ACER3: variants seen among roughly 807,000 people sequenced by gnomAD.
ACER3 encodes alkCDase 3.
ACER3 carries 16 observed loss-of-function variants against 48.9 expected under a neutral mutation model. The observed-to-expected ratio is 0.33, with a 90% CI of 0.22 to 0.50. ACER3 has a LOEUF of 0.50. Ranked by LOEUF, ACER3 falls within the 20% of genes least tolerant of loss-of-function variation. The probability of loss-of-function intolerance (pLI) is 0.98; values close to 1 mark genes in which losing one functional copy is unlikely to be tolerated. For missense variants in ACER3, 227 were observed against 326.0 expected, an observed-to-expected ratio of 0.70 and a Z score of 2.34; for synonymous variants, 109 against 107.8, an observed-to-expected ratio of 1.01 and a Z score of -0.07.
chr11:76,860,947 G>A lies in ACER3; in HGVS notation c.-30G>A. 4 of 1,495,784 alleles carry A rather than the reference G, an allele frequency of 2.7e-6. No homozygotes were observed. Among genetic ancestry groups the A allele is most frequent in the Non-Finnish European group, 3.6e-6 (4 of 1,113,720 alleles). 92.7% of individuals were successfully genotyped at this position (1,495,784 alleles called of 1,614,324 possible). On this transcript the variant is annotated 5_prime_UTR_variant, in exon 1 of 11. Coordinates refer to ENST00000532485, the MANE Select transcript of ACER3 (RefSeq NM_018367.7). ...CCAGCCTAACCCGGCACAGTGAGCG[G>A]AGCGCCTGGGCGGCGGCGGCGGCGG...
chr11:77,014,922 C>A, intron 7 of ACER3, 94 bp from the exon 8 acceptor site: 2 of 753,026 alleles, frequency 2.7e-6, no homozygotes, highest in Non-Finnish European at 4.7e-6. Flanking sequence ...AGATCCCAGC[C>A]CTTATAAAAA....
At chr11:76,913,049 C>A (rs1371805262) in intron 1 of ACER3, among the ~76,000 whole-genome samples, 1 of 152,166 alleles carries the variant, frequency 6.6e-6, no homozygotes, top group East Asian at 1.9e-4. Flanking sequence ...AGCAAAAAAA[C>A]AATGGTTTGT....
chr11:76,939,887 G>A (rs2134917151), intron 2 of ACER3, among the ~76,000 whole-genome samples: 1 of 152,226 alleles, frequency 6.6e-6, no homozygotes, highest in East Asian at 1.9e-4. Flanking sequence ...TCTGGGTTGG[G>A]GCATGAGGGG....
intron 2 of ACER3, among the ~76,000 whole-genome samples, chr11:76,957,084 T>A (rs944862573): frequency 3.3e-5 from 5 of 152,222 alleles, no homozygotes; most frequent in African/African-American, 1.2e-4. Flanking sequence ...TCACAAGTGT[T>A]CCTTCTCTGT....
At chr11:76,929,996 G>A (rs956675338) in intron 2 of ACER3, among the ~76,000 whole-genome samples, 8 of 150,702 alleles carry the variant, frequency 5.3e-5, no homozygotes, top group African/African-American at 1.9e-4. Context: ...AATGAGTTAG[G>A]GAGGATTGCC....
At chr11:76,862,235 A>G (rs1043771068) in intron 1 of ACER3, among the ~76,000 whole-genome samples, 8 of 151,952 alleles carry the variant, frequency 5.3e-5, no homozygotes, top group Non-Finnish European at 1.2e-4. Context: ...AGGCAAGCAT[A>G]TCATGACAAA....
At chr11:77,016,029 C>A (rs929616248) in intron 8 of ACER3, among the ~76,000 whole-genome samples, 1 of 149,660 alleles carries the variant, frequency 6.7e-6, no homozygotes, top group East Asian at 2.0e-4. Flanking sequence ...ATCGCTTGAA[C>A]TGGGGAGGCG....
At chr11:76,911,115 A>G (rs1946367440) in intron 1 of ACER3, among the ~76,000 whole-genome samples, 1 of 152,224 alleles carries the variant, frequency 6.6e-6, no homozygotes, top group Admixed American at 6.5e-5. Context: ...ATGTAAATCG[A>G]AAGCAAGTTT....
At chr11:76,970,176 G>T (rs929428456) in intron 3 of ACER3, among the ~76,000 whole-genome samples, 1 of 152,084 alleles carries the variant, frequency 6.6e-6, no homozygotes, top group Admixed American at 6.6e-5. Context: ...AACGAGGCAT[G>T]TCGGACCTCC....
rs781897094 is a variant in ACER3, at chr11:77,019,688, A to C, written c.705-43A>C. The C allele has an allele frequency of 3.6e-5, 57 of 1,600,416 alleles. 2 individuals are homozygous for C. In the South Asian group the frequency reaches 4.3e-4, roughly 12 times the overall value. ...TCAGTACGCCAGTTTGCATGAATTC[A>C]AAATGAATCTGAAAAGCTTTCCCCC... On this transcript the variant is annotated intron_variant, in intron 9 of 10. Coordinates refer to ENST00000532485, the MANE Select transcript of ACER3 (RefSeq NM_018367.7).
At chr11:76,956,079 T>C (rs1469395927) in intron 2 of ACER3, among the ~76,000 whole-genome samples, 2 of 152,220 alleles carry the variant, frequency 1.3e-5, no homozygotes, top group African/African-American at 2.4e-5. Flanking sequence ...CTAATGGGTA[T>C]AGGCTTTCTT....
intron 2 of ACER3, among the ~76,000 whole-genome samples, chr11:76,938,938 C>G (rs531853881): frequency 6.9e-6 from 1 of 145,872 alleles, no homozygotes; most frequent in Non-Finnish European, 1.5e-5. Flanking sequence ...CAAGATAAGC[C>G]TGGAACATCT....
At chr11:76,905,353 G>T (rs1179690121) in intron 1 of ACER3, among the ~76,000 whole-genome samples, 1 of 151,970 alleles carries the variant, frequency 6.6e-6, no homozygotes, top group Non-Finnish European at 1.5e-5. Flanking sequence ...AGCATTTGTC[G>T]TTCTTTTACT....
At chr11:76,973,328 T>A (rs1948357352) in intron 3 of ACER3, among the ~76,000 whole-genome samples, 1 of 152,156 alleles carries the variant, frequency 6.6e-6, no homozygotes, top group Non-Finnish European at 1.5e-5. Flanking sequence ...GTGCCCCAAG[T>A]CTGTGGTGTC....
intron 1 of ACER3, among the ~76,000 whole-genome samples, chr11:76,868,656 G>A (rs1285382312): frequency 6.6e-6 from 1 of 152,158 alleles, no homozygotes; most frequent in African/African-American, 2.4e-5. Flanking sequence ...CTGGAGGAAG[G>A]AATGCTGCAG....
chr11:76,981,414 T>C (rs1948580500), intron 4 of ACER3, among the ~76,000 whole-genome samples: 1 of 152,226 alleles, frequency 6.6e-6, no homozygotes. Context: ...GCACCCAGTT[T>C]AAGTGTATGG....
chr11:76,946,449 C>T (rs1272723073), intron 2 of ACER3, among the ~76,000 whole-genome samples: 1 of 152,170 alleles, frequency 6.6e-6, no homozygotes, highest in Non-Finnish European at 1.5e-5. Context: ...CTCTGTCACT[C>T]CTTGGCCAGG....
intron 7 of ACER3, among the ~76,000 whole-genome samples, 197 bp from the exon 8 acceptor site, chr11:77,014,819 G>T (rs1248922100): frequency 6.6e-6 from 1 of 152,138 alleles, no homozygotes; most frequent in Non-Finnish European, 1.5e-5. Context: ...GACTGAGATG[G>T]GAGGATACCC....
chr11:77,000,034 T>C (rs1948995167), intron 7 of ACER3, among the ~76,000 whole-genome samples: 1 of 152,190 alleles, frequency 6.6e-6, no homozygotes, highest in Non-Finnish European at 1.5e-5. Context: ...AACTGCTGAA[T>C]TGCTTTTCAG....
Sources: gnomAD v4.1 joint callset for allele counts (sites outside exome capture counted in the v4.1 genomes callset) on GRCh38, gnomAD v4.1.1 for gene constraint, MANE v1.5 for transcripts, NCBI Gene and HGNC (gene_info 2026-07-23, HGNC 2026-07-21) for gene names.